Variants in CDH9 observed in about 807,000 individuals in gnomAD.
The protein encoded by CDH9 is cadherin 9, also known as cadherin-9.
CDH9 carries 28 observed loss-of-function variants against 70.9 expected under a neutral mutation model. That is an observed-to-expected ratio of 0.40 (90% CI 0.29 to 0.54). The LOEUF is 0.54. CDH9 is among the 20% of genes least tolerant of loss of function. The pLI, the probability that CDH9 is intolerant of heterozygous loss-of-function variation, is 0.59. For missense variants in CDH9, 874 were observed against 984.4 expected, an observed-to-expected ratio of 0.89 and a Z score of 1.50; for synonymous variants, 409 against 343.1, an observed-to-expected ratio of 1.19 and a Z score of -2.12.
chr5:26,927,464 T>A (rs1741362628), intron 2 of CDH9, among the ~76,000 whole-genome samples: 1 of 151,998 alleles, frequency 6.6e-6, no homozygotes, highest in Non-Finnish European at 1.5e-5. Context: ...CTTTGGCTAC[T>A]CTAGGTCTTC....
At chr5:26,890,832 T>C (rs1740647467) in intron 7 of CDH9, 1 of 333,370 alleles carries the variant, frequency 3.0e-6, no homozygotes, top group Non-Finnish European at 5.5e-6. Flanking sequence ...AGTGAGTTCT[T>C]AAGTATCACT....
In CDH9 at chr5:26,915,994, G is replaced by T. The variant is rs189652732; in HGVS notation, c.229-70C>A. On this transcript the variant is annotated intron_variant, in intron 2 of 11. Coordinates refer to ENST00000231021, the MANE Select transcript of CDH9 (RefSeq NM_016279.4). ...TCATTACATAAAACATAATTTTGGC[G>T]CTATCAATTCGTCTCCATATAACAG... 3.2e-5 allele frequency: 35 copies of T among 1,088,844 alleles called. No individual in the cohort carries two copies. The South Asian group carries it at 4.3e-4, about 13-fold the overall frequency. 67.4% of individuals were successfully genotyped at this position (1,088,844 alleles called of 1,614,324 possible). A position where few individuals can be genotyped will look rare whatever the true frequency, so the allele number is the denominator to read the frequency against.
intron 2 of CDH9, among the ~76,000 whole-genome samples, chr5:26,918,420 A>C (rs1741184350): frequency 6.6e-6 from 1 of 152,210 alleles, no homozygotes; most frequent in Admixed American, 6.5e-5. Flanking sequence ...ATGCCCACTA[A>C]ACTGTAAAAT....
At chr5:27,013,098 C>T (rs1366917740) in intron 1 of CDH9, among the ~76,000 whole-genome samples, 1 of 151,860 alleles carries the variant, frequency 6.6e-6, no homozygotes, top group Admixed American at 6.6e-5. Context: ...TAGATTAAGG[C>T]AGCTCCAGGG....
At chr5:26,916,537 T>A (rs1303664084) in intron 2 of CDH9, among the ~76,000 whole-genome samples, 2 of 151,974 alleles carry the variant, frequency 1.3e-5, no homozygotes, top group African/African-American at 2.4e-5. Flanking sequence ...TTAGGCACAA[T>A]AAGTGATAAG....
chr5:27,018,313 C>T (rs943082102), intron 1 of CDH9, among the ~76,000 whole-genome samples: 4 of 151,516 alleles, frequency 2.6e-5, no homozygotes, highest in African/African-American at 9.7e-5. Context: ...GATTTAAATA[C>T]ATACACACAT....
intron 1 of CDH9, among the ~76,000 whole-genome samples, chr5:26,992,817 C>T (rs1301929164): frequency 6.6e-6 from 1 of 152,078 alleles, no homozygotes; most frequent in East Asian, 1.9e-4. Context: ...TAAATAATGG[C>T]CGGGCGTGGT....
chr5:26,910,180 G>T (rs776068744), intron 3 of CDH9, among the ~76,000 whole-genome samples: 1 of 151,700 alleles, frequency 6.6e-6, no homozygotes, highest in Non-Finnish European at 1.5e-5. Context: ...ATTTAAAATC[G>T]CAAATGTAAA....
chr5:27,004,467 A>G (rs1742824992), intron 1 of CDH9, among the ~76,000 whole-genome samples: 1 of 152,204 alleles, frequency 6.6e-6, no homozygotes, highest in Non-Finnish European at 1.5e-5. Context: ...CATAACTTAA[A>G]TGTTAAATGA....
chr5:27,010,816 T>C (rs765944940), intron 1 of CDH9, among the ~76,000 whole-genome samples: 2 of 152,158 alleles, frequency 1.3e-5, no homozygotes, highest in Non-Finnish European at 2.9e-5. Context: ...GCATGAGTTA[T>C]TTTGTGGAAA....
At chr5:27,032,101 G>A (rs1476972919) in intron 1 of CDH9, among the ~76,000 whole-genome samples, 1 of 151,678 alleles carries the variant, frequency 6.6e-6, no homozygotes, top group Non-Finnish European at 1.5e-5. Flanking sequence ...TATATATAGA[G>A]ATATGTATAA....
intron 2 of CDH9, among the ~76,000 whole-genome samples, chr5:26,970,996 T>A (rs1423074000): frequency 6.6e-6 from 1 of 152,126 alleles, no homozygotes; most frequent in South Asian, 2.1e-4. Flanking sequence ...AGTAAAAACA[T>A]TAGAAATGCT....
chr5:27,012,248 G>T (rs186721350), intron 1 of CDH9, among the ~76,000 whole-genome samples: 1 of 151,488 alleles, frequency 6.6e-6, no homozygotes, highest in Non-Finnish European at 1.5e-5. Context: ...GTTGTACTCC[G>T]TTGTTTTTAT....
rs1011626475 is a variant in CDH9, at chr5:26,982,855, G to A, written c.228+5251C>T. ...CTGCCACCACACCTGGATAATATTT[G>A]TATTTTTTTTTAGTAGAGATGGGGT... On this transcript the variant is annotated intron_variant, in intron 2 of 11. Coordinates refer to ENST00000231021, the MANE Select transcript of CDH9 (RefSeq NM_016279.4). Among the ~76,000 whole-genome samples, 3 of 151,588 alleles carry A rather than the reference G, an allele frequency of 2.0e-5. No homozygotes were observed. In the East Asian group the frequency reaches 5.9e-4, roughly 30 times the overall value.
At chr5:27,027,852 A>T (rs1302995145) in intron 1 of CDH9, among the ~76,000 whole-genome samples, 2 of 152,044 alleles carry the variant, frequency 1.3e-5, no homozygotes, top group Non-Finnish European at 2.9e-5. Context: ...TTTTATTCTG[A>T]TAAAATTGTG....
intron 2 of CDH9, among the ~76,000 whole-genome samples, chr5:26,933,404 G>A (rs1741498793): frequency 6.6e-6 from 1 of 151,828 alleles, no homozygotes; most frequent in African/African-American, 2.4e-5. Context: ...AATCGACAAT[G>A]AGAGATCATA....
intron 11 of CDH9, among the ~76,000 whole-genome samples, chr5:26,883,443 C>A (rs985984538): frequency 6.6e-6 from 1 of 151,590 alleles, no homozygotes; most frequent in African/African-American, 2.4e-5. Context: ...GAACAGAATT[C>A]AGGAAGAATA....
At chr5:26,905,000 G>C (rs1373810709) in intron 5 of CDH9, among the ~76,000 whole-genome samples, 1 of 151,884 alleles carries the variant, frequency 6.6e-6, no homozygotes, top group East Asian at 1.9e-4. Context: ...ATGTTATTTA[G>C]GCTTATTATT....
intron 7 of CDH9, 146 bp downstream of exon 7, chr5:26,902,330 T>C (rs1740869818): frequency 1.6e-6 from 1 of 606,862 alleles, no homozygotes; most frequent in African/African-American, 1.9e-5. Flanking sequence ...TGTGCAACCA[T>C]TTTTTCACAC....
Sources: allele counts gnomAD v4.1 joint callset (sites outside exome capture counted in the v4.1 genomes callset), GRCh38; gene constraint gnomAD v4.1.1; transcripts MANE v1.5; gene names NCBI Gene and HGNC (gene_info 2026-07-23, HGNC 2026-07-21).